The following BCAP29 variants were observed in gnomAD, a reference collection of about 807,000 sequenced individuals.
BCAP29 encodes the protein B cell receptor associated protein 29.
A neutral mutation model predicts 31.8 loss-of-function variants in BCAP29; 34 were observed. The observed-to-expected ratio is 1.07, with a 90% CI of 0.81 to 1.42. BCAP29 has a LOEUF of 1.42. BCAP29 is among the 40% of genes most tolerant of loss of function. The probability of loss-of-function intolerance (pLI) is 0.00; values close to 1 mark genes in which losing one functional copy is unlikely to be tolerated. For synonymous variants in BCAP29, 104 were observed against 91.3 expected (o/e 1.14, Z -0.79); for missense variants, 314 against 269.2 (o/e 1.17, Z -1.16).
chr7:107,582,209 C>T (rs1806809533), intron 2 of BCAP29, among the ~76,000 whole-genome samples: 1 of 152,210 alleles, frequency 6.6e-6, no homozygotes, highest in Admixed American at 6.5e-5. Flanking sequence ...TTGATCTTTA[C>T]TCCATCAGAG....
At chr7:107,600,938 G>A (rs1382324938) in intron 6 of BCAP29, among the ~76,000 whole-genome samples, 1 of 152,136 alleles carries the variant, frequency 6.6e-6, no homozygotes, top group Non-Finnish European at 1.5e-5. Flanking sequence ...TAAGGAAAGC[G>A]TTCCTTGAAA....
chr7:107,587,756 T>C (rs1440457633), intron 3 of BCAP29: 2 of 151,764 alleles, frequency 1.3e-5, no homozygotes, highest in African/African-American at 2.4e-5. Flanking sequence ...CCAGTAGATA[T>C]AGAAAATTTA....
chr7:107,614,387 G>T (rs1813754402), intron 7 of BCAP29, among the ~76,000 whole-genome samples: 1 of 152,124 alleles, frequency 6.6e-6, no homozygotes, highest in South Asian at 2.1e-4. Flanking sequence ...GCAGGTTATA[G>T]CATCCCTTTG....
At chr7:107,590,805 C>A in intron 3 of BCAP29, among the ~76,000 whole-genome samples, 1 of 141,058 alleles carries the variant, frequency 7.1e-6, no homozygotes, top group Admixed American at 7.4e-5. Flanking sequence ...GGTGACAAAG[C>A]GAGACCCTGT....
At chr7:107,616,697 A>G (rs1229722242) in intron 7 of BCAP29, among the ~76,000 whole-genome samples, 4 of 152,098 alleles carry the variant, frequency 2.6e-5, no homozygotes, top group African/African-American at 9.7e-5. Flanking sequence ...GAGACCCTGT[A>G]TAAGATTCTC....
chr7:107,594,359 T>C (rs1309878369), intron 4 of BCAP29, among the ~76,000 whole-genome samples: 4 of 152,036 alleles, frequency 2.6e-5, no homozygotes. Flanking sequence ...GGCTAATTTT[T>C]AAATTTTTTG....
intron 3 of BCAP29, among the ~76,000 whole-genome samples, chr7:107,592,010 C>T (rs904736234): frequency 6.6e-6 from 1 of 152,006 alleles, no homozygotes; most frequent in Non-Finnish European, 1.5e-5. Flanking sequence ...TGGTCTCCAT[C>T]TCCTGGCCTC....
At chr7:107,610,777 C>G (rs897205922) in intron 6 of BCAP29, among the ~76,000 whole-genome samples, 1 of 152,082 alleles carries the variant, frequency 6.6e-6, no homozygotes, top group South Asian at 2.1e-4. Context: ...TTTCTAGCTT[C>G]TTTTAAAAAG....
Position 107,618,383 on chromosome 7 carries a change from C to A in BCAP29, c.*20C>A. The A allele has an allele frequency of 1.9e-6, 3 of 1,610,964 alleles. No individual in the cohort carries two copies. The highest frequency in any genetic ancestry group is 1.3e-5 in the African/African-American group (1 of 74,890). ...CTGTGAACTTTATAAAAGACACTTG[C>A]AATATACTGTGTCAAAATGATAATT... is the stretch of plus-strand genomic sequence containing the variant. On this transcript the variant is annotated 3_prime_UTR_variant, in exon 8 of 8. Transcript: ENST00000005259.
At chr7:107,599,038 T>G (rs1433439113) in intron 5 of BCAP29, among the ~76,000 whole-genome samples, 2 of 135,202 alleles carry the variant, frequency 1.5e-5, no homozygotes, top group African/African-American at 2.8e-5. Context: ...TATTAAAAAT[T>G]TGTATATATA....
Position 107,596,022 on chromosome 7 carries a change from A to G in BCAP29, c.480+20A>G. On this transcript the variant is annotated intron_variant, in intron 5 of 7. Coordinates refer to ENST00000005259, the MANE Select transcript of BCAP29 (RefSeq NM_018844.4). ...AAAAGGGTATTTAATTTTCTTTGTAAAAATTAAATGTTGTTGGTGTTCCCG... is the reference window on the plus strand; with the variant it reads ...AAAAGGGTATTTAATTTTCTTTGTAGAAATTAAATGTTGTTGGTGTTCCCG... 1 of 1,550,382 alleles carries G rather than the reference A, an allele frequency of 6.5e-7. No individual in the cohort carries two copies. The highest frequency in any genetic ancestry group is 8.7e-7 in the Non-Finnish European group (1 of 1,153,996).
At chr7:107,587,694 AC>A (rs1451365540) in intron 3 of BCAP29, 1 of 152,136 alleles carries the variant, frequency 6.6e-6, no homozygotes, top group Non-Finnish European at 1.5e-5. Flanking sequence ...AAATTGGAAA[AC>A]CTAGATAAAA....
chr7:107,599,061 A>G (rs1810430257), intron 5 of BCAP29, among the ~76,000 whole-genome samples: 1 of 136,582 alleles, frequency 7.3e-6, no homozygotes, highest in South Asian at 2.1e-4. Context: ...AAATATATTT[A>G]TAAATATATA....
intron 3 of BCAP29, among the ~76,000 whole-genome samples, chr7:107,586,393 C>T (rs1177897195): frequency 6.6e-6 from 1 of 152,160 alleles, no homozygotes; most frequent in African/African-American, 2.4e-5. Context: ...ATCATGACTG[C>T]TGGCTGAAGC....
In BCAP29 at chr7:107,605,781, T is replaced by G. The variant is rs1048719315; in HGVS notation, c.589+5276T>G. Reference sequence around the variant, plus strand: ...TAGATATGCATGTTTACTACAATCCTTCATGGTAAATACTTTTCTAATGAT... The same window carrying G: ...TAGATATGCATGTTTACTACAATCCGTCATGGTAAATACTTTTCTAATGAT... On this transcript the variant is annotated intron_variant, in intron 6 of 7. Transcript: ENST00000005259. Among the ~76,000 whole-genome samples, 3 of 152,236 alleles carry G rather than the reference T, an allele frequency of 2.0e-5. No homozygotes were observed. The East Asian group carries it at 5.8e-4, about 29-fold the overall frequency.
chr7:107,597,589 CA>C, intron 5 of BCAP29, among the ~76,000 whole-genome samples: 1 of 152,272 alleles, frequency 6.6e-6, no homozygotes, highest in South Asian at 2.1e-4. Flanking sequence ...TTAATTTTCA[CA>C]AAAGTCCCTT....
At chr7:107,601,575 G>T (rs964348407) in intron 6 of BCAP29, among the ~76,000 whole-genome samples, 8 of 152,112 alleles carry the variant, frequency 5.3e-5, no homozygotes, top group African/African-American at 1.9e-4. Context: ...CAAAATTCAA[G>T]AATCTTCTAG....
upstream of BCAP29, chr7:107,580,034 C>G (rs899847257): frequency 6.6e-6 from 1 of 152,346 alleles, no homozygotes; most frequent in African/African-American, 2.4e-5. Flanking sequence ...AAAGTCTGTC[C>G]TCCTGAAGAA....
chr7:107,586,901 G>GT (rs916430308), intron 3 of BCAP29, among the ~76,000 whole-genome samples: 9 of 150,792 alleles, frequency 6.0e-5, no homozygotes, highest in Admixed American at 2.0e-4. Context: ...GCTAATTTTT[G>GT]TTTTTTTTAA....
Sources: gnomAD v4.1 joint callset for allele counts (sites outside exome capture counted in the v4.1 genomes callset) on GRCh38, gnomAD v4.1.1 for gene constraint, MANE v1.5 for transcripts, NCBI Gene and HGNC (gene_info 2026-07-23, HGNC 2026-07-21) for gene names.